RYR3: variants seen among roughly 807,000 people sequenced by gnomAD.
RYR3 encodes the protein ryanodine receptor 3, also known as brain ryanodine receptor-calcium release channel.
In RYR3, 207 loss-of-function variants were observed where a neutral mutation model predicts 584.3. The ratio of observed to expected loss-of-function variants is 0.35; its 90% CI spans 0.32 to 0.40. The LOEUF (loss-of-function observed/expected upper bound fraction) is 0.40, where lower values mean the gene tolerates loss of function less well. RYR3 is among the 10% of genes least tolerant of loss of function. The pLI is 1.00. For synonymous variants in RYR3, 2,416 were observed against 2,248.5 expected, an observed-to-expected ratio of 1.07 and a Z score of -2.11; for missense variants, 5,616 against 6,089.2, an observed-to-expected ratio of 0.92 and a Z score of 2.59.
At chr15:33,436,067 A>G (rs994606561) in intron 1 of RYR3, among the ~76,000 whole-genome samples, 46 of 152,224 alleles carry the variant, frequency 3.0e-4, no homozygotes, top group Admixed American at 2.1e-3. Flanking sequence ...CTAGCTAGAC[A>G]GAAAAGTTCT....
At chr15:33,500,297 A>G (rs2051851010) in intron 2 of RYR3, among the ~76,000 whole-genome samples, 1 of 152,304 alleles carries the variant, frequency 6.6e-6, no homozygotes, top group East Asian at 1.9e-4. Context: ...TGGCTAGTGT[A>G]TGCTAGCACA....
chr15:33,533,966 T>C (rs2055103685), intron 5 of RYR3, among the ~76,000 whole-genome samples: 1 of 152,240 alleles, frequency 6.6e-6, no homozygotes, highest in African/African-American at 2.4e-5. Flanking sequence ...GTATAAACTG[T>C]TTTTGCTTGC....
chr15:33,799,763 C>G (rs1474130888), intron 67 of RYR3, among the ~76,000 whole-genome samples: 1 of 152,166 alleles, frequency 6.6e-6, no homozygotes, highest in Admixed American at 6.5e-5. Flanking sequence ...GAGGGGCAGG[C>G]TTGTGGGTCT....
intron 1 of RYR3, among the ~76,000 whole-genome samples, chr15:33,460,284 C>T (rs536961666): frequency 2.6e-4 from 39 of 152,324 alleles, no homozygotes; most frequent in Middle Eastern, 3.4e-3. Flanking sequence ...CTAAAGCCTT[C>T]GGGCTGCAAT....
rs76691720 is a variant in RYR3 at position 33,469,418 on chromosome 15, C to T, written c.52-4001C>T. Among the ~76,000 whole-genome samples the T allele has an allele frequency of 5.0e-3, 767 of 152,072 alleles. 8 individuals carry two copies. Among genetic ancestry groups the T allele is most frequent in the African/African-American group, 0.018 (732 of 41,460 alleles). On this transcript the variant is annotated intron_variant, in intron 1 of 103. Coordinates refer to ENST00000634891, the MANE Select transcript of RYR3 (RefSeq NM_001036.6). Reference sequence around the variant, plus strand: ...CAAGAAAATAAGGCCAGAGCTATGCCTCTGGTAGCAGACTAGGGAAGAATG... The same window carrying T: ...CAAGAAAATAAGGCCAGAGCTATGCTTCTGGTAGCAGACTAGGGAAGAATG...
In RYR3 at chr15:33,687,876, C is replaced by T. The variant is rs533715851; in HGVS notation, c.5861-8342C>T. 1.5e-4 allele frequency among the ~76,000 whole-genome samples: 23 copies of T among 152,282 alleles called. No homozygotes were observed. The East Asian group carries it at 3.7e-3, about 24-fold the overall frequency. ...GCTAGCCATATGTAGAAAGCTGAAA[C>T]TGGATCCCTTCCTTACACCTTAGAC... On this transcript the variant is annotated intron_variant, in intron 38 of 103. Transcript: ENST00000634891.
intron 102 of RYR3, among the ~76,000 whole-genome samples, chr15:33,861,432 G>A (rs1285551021): frequency 6.6e-6 from 1 of 151,410 alleles, no homozygotes; most frequent in Non-Finnish European, 1.5e-5. Flanking sequence ...CATACCTCCA[G>A]CAATTTCTCT....
intron 1 of RYR3, among the ~76,000 whole-genome samples, chr15:33,399,996 C>G (rs74868459): frequency 0.026 from 4,014 of 152,250 alleles, 61 homozygotes; most frequent in Non-Finnish European, 0.043. Flanking sequence ...TGGAATGTTA[C>G]TGAAATCACC....
intron 100 of RYR3, 33 bp from the exon 101 acceptor site, chr15:33,860,562 C>T (rs576730554): frequency 2.1e-6 from 3 of 1,405,348 alleles, no homozygotes; most frequent in Non-Finnish European, 3.0e-6. Context: ...AACCACTACA[C>T]AGATTGCTTT....
In RYR3 at chr15:33,821,742, G is replaced by A. The variant is rs572973568; in HGVS notation, c.10995+140G>A. 3.1e-4 allele frequency: 223 copies of A among 723,122 alleles called. No individual in the cohort carries two copies. The African/African-American group carries it at 3.6e-3, about 12-fold the overall frequency. 44.8% of individuals were successfully genotyped at this position (723,122 alleles called of 1,614,324 possible). A position where few individuals can be genotyped will look rare whatever the true frequency, so the allele number is the denominator to read the frequency against. ...AGCTCACGTTTGTCCTTAGTGGCCA[G>A]TTATATCAGAGTAGCTGGGAACGCA... On this transcript the variant is annotated intron_variant, in intron 80 of 103. Transcript: ENST00000634891.
chr15:33,811,499 A>C (rs1468896412), intron 72 of RYR3, among the ~76,000 whole-genome samples: 1 of 129,928 alleles, frequency 7.7e-6, no homozygotes, highest in Non-Finnish European at 1.7e-5. Context: ...TAACAGAGCA[A>C]GACTCCGTCT....
intron 1 of RYR3, among the ~76,000 whole-genome samples, chr15:33,385,199 C>T (rs1293606476): frequency 1.3e-5 from 2 of 152,096 alleles, no homozygotes; most frequent in African/African-American, 2.4e-5. Context: ...TGAGATGCTG[C>T]GTGATTAGTT....
At chr15:33,864,239 C>CTTGAGACT in intron 103 of RYR3, 50 bp downstream of exon 103, 1 of 1,445,350 alleles carries the variant, frequency 6.9e-7, no homozygotes, top group Non-Finnish European at 9.6e-7. Flanking sequence ...TTTCCTAAAT[C>CTTGAGACT]TTGAGACTTA....
At chr15:33,338,649 G>A (rs1273208285) in intron 1 of RYR3, among the ~76,000 whole-genome samples, 3 of 152,102 alleles carry the variant, frequency 2.0e-5, no homozygotes, top group South Asian at 4.1e-4. Context: ...TTTAGGAACC[G>A]AAAGGGGGAG....
intron 38 of RYR3, among the ~76,000 whole-genome samples, chr15:33,678,455 C>T (rs1271134929): frequency 2.6e-5 from 4 of 152,222 alleles, no homozygotes; most frequent in Non-Finnish European, 5.9e-5. Flanking sequence ...TTTTCTGAGG[C>T]CTCCCAGCCA....
intron 89 of RYR3, 56 bp downstream of exon 89, chr15:33,839,014 C>A: frequency 6.4e-7 from 1 of 1,554,930 alleles, no homozygotes; most frequent in African/African-American, 1.4e-5. Flanking sequence ...GACTTGCCAC[C>A]ATATCTTGTA....
chr15:33,666,327 G>A (rs1015374153), intron 36 of RYR3, among the ~76,000 whole-genome samples: 1 of 152,098 alleles, frequency 6.6e-6, no homozygotes, highest in African/African-American at 2.4e-5. Flanking sequence ...TTCTAATACG[G>A]TATGTCTAGG....
chr15:33,750,282 T>C lies in RYR3; in HGVS notation c.8395T>C (p.Ser2799Pro). ...KFLQVNGIIV[S>P]RGMKDMELDA... ...CCTCCAAGTGAATGGCATCATAGTT[T>C]CCAGGTAAGTCACCTTCCATGTGAT... The change falls in exon 57 of 104, where the codon TCC becomes CCC. Residue 2799 changes from serine (S) to proline (P), a missense_variant. Ser to Pro is a moderately conservative substitution (Grantham distance 74). This residue lies in a region of RYR3 where 1,280 missense variants were observed against 1,426.2 expected (regional missense o/e 0.90). Transcript: ENST00000634891. The C allele has an allele frequency of 1.2e-6, 2 of 1,610,658 alleles. No homozygotes were observed. Among genetic ancestry groups the C allele is most frequent in the Non-Finnish European group, 1.7e-6 (2 of 1,178,402 alleles).
chr15:33,828,156 G>A (rs1437078231), intron 85 of RYR3, among the ~76,000 whole-genome samples: 3 of 152,178 alleles, frequency 2.0e-5, no homozygotes, highest in African/African-American at 7.2e-5. Flanking sequence ...TATTGTAATT[G>A]TTTTGGGGTG....
Sources: gnomAD v4.1 joint callset for allele counts (sites outside exome capture counted in the v4.1 genomes callset) on GRCh38, gnomAD v4.1.1 for gene constraint, gnomAD v4.1.1 regional missense constraint, MANE v1.5 for transcripts, NCBI Gene and HGNC (gene_info 2026-07-23, HGNC 2026-07-21) for gene names.